Variants in PELI2 observed in about 807,000 individuals in gnomAD.
PELI2 encodes pellino E3 ubiquitin protein ligase family member 2.
PELI2 carries 23 observed loss-of-function variants against 42.3 expected under a neutral mutation model. The ratio of observed to expected loss-of-function variants is 0.54; its 90% CI spans 0.39 to 0.77. The LOEUF is 0.77. Ranked by LOEUF, PELI2 falls within the 30% of genes least tolerant of loss-of-function variation. The probability of loss-of-function intolerance (pLI) is 0.00; values close to 1 mark genes in which losing one functional copy is unlikely to be tolerated. For missense variants in PELI2, 463 were observed against 553.2 expected (o/e 0.84, Z 1.64); for synonymous variants, 245 against 212.2 (o/e 1.15, Z -1.34).
chr14:56,177,802 CAG>C (rs1433160734), intron 1 of PELI2, among the ~76,000 whole-genome samples: 4 of 152,124 alleles, frequency 2.6e-5, no homozygotes, highest in Admixed American at 6.5e-5. Flanking sequence ...AGGGTTCAAA[CAG>C]AAATGAGAGT....
At chr14:56,149,025 AG>A (rs1409435687) in intron 1 of PELI2, among the ~76,000 whole-genome samples, 1 of 152,214 alleles carries the variant, frequency 6.6e-6, no homozygotes, top group Non-Finnish European at 1.5e-5. Context: ...AAAGAGCTTC[AG>A]GAGAGAGGTC....
At position 56,300,156 on chromosome 14, in the gene PELI2, G is replaced by A. The variant is rs777322303; in HGVS notation, c.*2990G>A. 4.6e-5 allele frequency: 7 copies of A among 152,498 alleles called. No individual in the cohort carries two copies. Among genetic ancestry groups the A allele is most frequent in the Admixed American group, 1.3e-4 (2 of 15,266 alleles). The allele number at this position is 152,498 out of a possible 1,614,324, so 9.4% of individuals were successfully genotyped here. A position where few individuals can be genotyped will look rare whatever the true frequency, so the allele number is the denominator to read the frequency against. ...ATAGAGAACATATTTATCATTCCTC[G>A]ATAGTTAATTATAGACTTTGGTACC... is the stretch of plus-strand genomic sequence containing the variant. On this transcript the variant is annotated 3_prime_UTR_variant, in exon 6 of 6. Transcript: ENST00000267460.
At chr14:56,292,941 C>T in intron 5 of PELI2, 1 of 455,106 alleles carries the variant, frequency 2.2e-6, no homozygotes, top group Non-Finnish European at 2.9e-6. Flanking sequence ...TTTTATTAAA[C>T]TAAACTGGCT....
chr14:56,249,918 T>C (rs1888285434), intron 2 of PELI2, among the ~76,000 whole-genome samples: 1 of 152,174 alleles, frequency 6.6e-6, no homozygotes. Flanking sequence ...GAGAGCATTT[T>C]TGGGAGATCT....
intron 2 of PELI2, among the ~76,000 whole-genome samples, chr14:56,264,464 A>G (rs1888829479): frequency 6.6e-6 from 1 of 152,200 alleles, no homozygotes; most frequent in Non-Finnish European, 1.5e-5. Context: ...AGATGAGGCC[A>G]CACTAGAAAG....
chr14:56,299,834 C>T lies in PELI2; in HGVS notation c.*2668C>T, dbSNP rs753333293. On this transcript the variant is annotated 3_prime_UTR_variant, in exon 6 of 6. Coordinates refer to ENST00000267460, the MANE Select transcript of PELI2 (RefSeq NM_021255.3). ...TCTAATGCCTTTTGCAAGTAGCTTTCCAGAAGTAAAAGTCCCAGTGATGTA... is the reference window on the plus strand; with the variant it reads ...TCTAATGCCTTTTGCAAGTAGCTTTTCAGAAGTAAAAGTCCCAGTGATGTA... 1.3e-5 allele frequency: 2 copies of T among 152,146 alleles called. No homozygotes were observed. Among genetic ancestry groups the T allele is most frequent in the Non-Finnish European group, 2.9e-5 (2 of 68,014 alleles). The allele number at this position is 152,146 out of a possible 1,614,324, so 9.4% of individuals were successfully genotyped here.
chr14:56,185,113 AATAAGT>A (rs1226025273), intron 2 of PELI2, among the ~76,000 whole-genome samples: 2 of 152,122 alleles, frequency 1.3e-5, no homozygotes, highest in South Asian at 2.1e-4. Context: ...GAATAACTTT[AATAAGT>A]ATATCTGTGA....
chr14:56,280,314 T>G (rs750424705), intron 3 of PELI2, among the ~76,000 whole-genome samples: 2 of 151,882 alleles, frequency 1.3e-5, no homozygotes, highest in Non-Finnish European at 2.9e-5. Flanking sequence ...ATTAAGAAAG[T>G]ACAGGATGGG....
chr14:56,159,175 C>T (rs1245994034), intron 1 of PELI2, among the ~76,000 whole-genome samples: 1 of 152,206 alleles, frequency 6.6e-6, no homozygotes, highest in Non-Finnish European at 1.5e-5. Context: ...CATCCCGAAA[C>T]TCAGTGACTT....
intron 2 of PELI2, among the ~76,000 whole-genome samples, chr14:56,220,893 A>C (rs1224747013): frequency 1.3e-5 from 2 of 152,210 alleles, no homozygotes; most frequent in Non-Finnish European, 2.9e-5. Context: ...CACAGTTTGA[A>C]TTATATACTT....
At chr14:56,279,235 G>T (rs1009508020) in intron 2 of PELI2, among the ~76,000 whole-genome samples, 1 of 152,108 alleles carries the variant, frequency 6.6e-6, no homozygotes, top group Non-Finnish European at 1.5e-5. Flanking sequence ...AGATTTTCCA[G>T]TGATTCTTTT....
chr14:56,243,236 G>A (rs1888038703), intron 2 of PELI2, among the ~76,000 whole-genome samples: 1 of 152,192 alleles, frequency 6.6e-6, no homozygotes, highest in African/African-American at 2.4e-5. Context: ...ATTCCCCCTT[G>A]ATATAAGATG....
In PELI2 at chr14:56,219,055, C is replaced by T. The variant is rs887273196; in HGVS notation, c.207+40591C>T. ...CCAGATCCATTTCCTGTTTTTTTCA[C>T]ATTTCTTTTTCTAAGAATAAACAGA... On this transcript the variant is annotated intron_variant, in intron 2 of 5. Transcript: ENST00000267460. This position sits in a 1 kb window ranked among gnomAD's most constrained non-coding sequence, Gnocchi z 4.1. 1.1e-4 allele frequency among the ~76,000 whole-genome samples: 16 copies of T among 152,072 alleles called. No individual in the cohort carries two copies. The highest frequency in any genetic ancestry group is 3.1e-4 in the African/African-American group (13 of 41,398).
chr14:56,247,593 A>G (rs1888207640), intron 2 of PELI2, among the ~76,000 whole-genome samples: 1 of 152,156 alleles, frequency 6.6e-6, no homozygotes, highest in Non-Finnish European at 1.5e-5. Flanking sequence ...TGTCTTTGGT[A>G]TTGCTTCATT....
chr14:56,168,336 G>A (rs1885043264), intron 1 of PELI2, among the ~76,000 whole-genome samples: 1 of 152,150 alleles, frequency 6.6e-6, no homozygotes, highest in Non-Finnish European at 1.5e-5. Context: ...AACCTTAGAA[G>A]TCTACCTGGT....
At chr14:56,293,092 A>C (rs1404155773) in intron 5 of PELI2, among the ~76,000 whole-genome samples, 3 of 152,188 alleles carry the variant, frequency 2.0e-5, no homozygotes, top group Admixed American at 6.5e-5. Context: ...GCTTAAAATA[A>C]CCCGTGAAGT....
chr14:56,157,630 G>A (rs1392744044), intron 1 of PELI2, among the ~76,000 whole-genome samples: 3 of 152,160 alleles, frequency 2.0e-5, no homozygotes, highest in African/African-American at 4.8e-5. Flanking sequence ...TAGCAATTAA[G>A]TATCTCCTTA....
intron 1 of PELI2, among the ~76,000 whole-genome samples, chr14:56,123,098 C>T (rs1883124461): frequency 6.6e-6 from 1 of 151,718 alleles, no homozygotes; most frequent in South Asian, 2.1e-4. Flanking sequence ...AGGTAGATAC[C>T]TGCCTCATTT....
At chr14:56,292,037 T>C (rs1030468211) in intron 5 of PELI2, among the ~76,000 whole-genome samples, 1 of 152,242 alleles carries the variant, frequency 6.6e-6, no homozygotes, top group Non-Finnish European at 1.5e-5. Flanking sequence ...CAGGAGGGCA[T>C]ATCACAGGAT....
Sources: allele counts gnomAD v4.1 joint callset (sites outside exome capture counted in the v4.1 genomes callset), GRCh38; gene constraint gnomAD v4.1.1; non-coding constraint Gnocchi (gnomAD v3.1); transcripts MANE v1.5; gene names NCBI Gene and HGNC (gene_info 2026-07-23, HGNC 2026-07-21).